Variants in CAMTA1 observed in about 807,000 individuals in gnomAD.
CAMTA1 encodes the protein calmodulin binding transcription activator 1.
Under a neutral mutation model 170.9 loss-of-function variants are expected in CAMTA1, and 27 were observed. That is an observed-to-expected ratio of 0.16 (90% confidence interval 0.12 to 0.22). CAMTA1 has a LOEUF of 0.22. Ranked by LOEUF, CAMTA1 falls within the 10% of genes least tolerant of loss-of-function variation. The pLI is 1.00. For missense variants in CAMTA1, 1,619 were observed against 2,217.2 expected (o/e 0.73, Z 5.42); for synonymous variants, 833 against 891.5 (o/e 0.93, Z 1.17).
Position 7,633,786 on chromosome 1 carries a change from A to G in CAMTA1, c.511-6614A>G, listed in dbSNP as rs2095688752. The stretch of plus-strand genomic sequence containing the variant: ...CATTGTGGCCAGGAAAACAGGCCAA[A>G]CCCGAGTAGTAATTGAGCGGAAACT... On this transcript the variant is annotated intron_variant, in intron 6 of 22. Coordinates refer to ENST00000303635, the MANE Select transcript of CAMTA1 (RefSeq NM_015215.4). The surrounding 1 kb of genome is among the most constrained non-coding windows in gnomAD (Gnocchi z 4.1). 6.6e-6 allele frequency among the ~76,000 whole-genome samples: 1 copy of G among 152,254 alleles called. No homozygotes were observed. Among genetic ancestry groups the G allele is most frequent in the African/African-American group, 2.4e-5 (1 of 41,460 alleles).
chr1:7,552,616 G>A (rs1263713939), intron 6 of CAMTA1, among the ~76,000 whole-genome samples: 1 of 152,232 alleles, frequency 6.6e-6, no homozygotes, highest in Non-Finnish European at 1.5e-5. Flanking sequence ...TGTCCATCCC[G>A]GGTCACTGCC....
chr1:7,062,513 C>T (rs1028141991), intron 3 of CAMTA1, among the ~76,000 whole-genome samples: 7 of 152,038 alleles, frequency 4.6e-5, no homozygotes, highest in African/African-American at 1.2e-4. Flanking sequence ...TGGCTGGGCG[C>T]CGGGGAGAGG....
intron 3 of CAMTA1, among the ~76,000 whole-genome samples, chr1:7,060,184 A>G: frequency 6.6e-6 from 1 of 152,238 alleles, no homozygotes; most frequent in Non-Finnish European, 1.5e-5. Context: ...CACCACAAAC[A>G]GGACGTAAAC....
intron 5 of CAMTA1, among the ~76,000 whole-genome samples, chr1:7,422,664 G>A (rs888860462): frequency 6.6e-6 from 1 of 152,160 alleles, no homozygotes; most frequent in African/African-American, 2.4e-5. Context: ...TTAAGACCAA[G>A]GCCAAGCAGC....
intron 6 of CAMTA1, among the ~76,000 whole-genome samples, chr1:7,576,516 G>T (rs527857617): frequency 6.6e-6 from 1 of 152,320 alleles, no homozygotes; most frequent in South Asian, 2.1e-4. Context: ...GTGTGAGGAC[G>T]CAAGCAAGAA....
At chr1:6,794,702 G>T (rs1642007210) in intron 1 of CAMTA1, among the ~76,000 whole-genome samples, 1 of 151,982 alleles carries the variant, frequency 6.6e-6, no homozygotes, top group South Asian at 2.1e-4. Flanking sequence ...CTGAATAAAA[G>T]GATTTTAGTA....
rs921957098 is a variant in CAMTA1 at position 6,788,589 on chromosome 1, A to T, written c.45+3014A>T. Reference sequence around the variant, plus strand: ...TTGTGTATTTTTAGGGGGTGTTATTAGGGAACTTCGGAAAAACGAAGAGTC... The same window carrying T: ...TTGTGTATTTTTAGGGGGTGTTATTTGGGAACTTCGGAAAAACGAAGAGTC... On this transcript the variant is annotated intron_variant, in intron 1 of 22. Transcript: ENST00000303635. 3.3e-5 allele frequency among the ~76,000 whole-genome samples: 5 copies of T among 152,252 alleles called. No individual in the cohort carries two copies. The East Asian group carries it at 9.7e-4, about 29-fold the overall frequency.
In CAMTA1 at chr1:7,144,245, G is replaced by GTGTATGTGTGTGTT. The variant is rs1280762250; in HGVS notation, c.302+52877_302+52878insATGTGTGTGTTTGT. On this transcript the variant is annotated intron_variant, in intron 4 of 22. Transcript: ENST00000303635. This position sits in a 1 kb window ranked among gnomAD's most constrained non-coding sequence, Gnocchi z 4.0. ...CAGATGGCCTTTTCTAAGTGTGTGT[G>GTGTATGTGTGTGTT]TGTGTGTATGTGTGTGTTTGTGTGT... 1.3e-5 allele frequency among the ~76,000 whole-genome samples: 2 copies of GTGTATGTGTGTGTT among 152,050 alleles called. No individual in the cohort carries two copies. The highest frequency in any genetic ancestry group is 4.8e-5 in the African/African-American group (2 of 41,356).
chr1:7,204,239 C>T (rs1192968240), intron 4 of CAMTA1, among the ~76,000 whole-genome samples: 1 of 151,924 alleles, frequency 6.6e-6, no homozygotes, highest in Non-Finnish European at 1.5e-5. Context: ...CCTCTTTTTC[C>T]AGTCTTAAGG....
In CAMTA1 at chr1:7,692,505, G is replaced by A. The variant is rs79084109; in HGVS notation, c.2914+14772G>A. ...TGACCCAGTCCCACATTAGCCTGGT[G>A]AAGGAAAGAAAGAACGAAAGAAAGA... On this transcript the variant is annotated intron_variant, in intron 11 of 22. Transcript: ENST00000303635. 7.2e-5 allele frequency among the ~76,000 whole-genome samples: 11 copies of A among 152,228 alleles called. No individual in the cohort carries two copies. In the East Asian group the frequency reaches 2.1e-3, roughly 29 times the overall value.
At chr1:6,853,254 A>T (rs1300424583) in intron 3 of CAMTA1, 1 of 152,232 alleles carries the variant, frequency 6.6e-6, no homozygotes, top group African/African-American at 2.4e-5. Flanking sequence ...CATAGAATTT[A>T]AAAATATAGT....
chr1:6,911,205 G>T (rs1679610657), intron 3 of CAMTA1, among the ~76,000 whole-genome samples: 1 of 152,180 alleles, frequency 6.6e-6, no homozygotes, highest in Non-Finnish European at 1.5e-5. Flanking sequence ...GAGGACGTTA[G>T]CTCAGGACTG....
intron 5 of CAMTA1, among the ~76,000 whole-genome samples, chr1:7,458,906 C>T (rs997477460): frequency 2.8e-4 from 43 of 152,248 alleles, no homozygotes; most frequent in African/African-American, 8.4e-4. Flanking sequence ...AGCTCAAACT[C>T]GTTTTAAAGC....
At chr1:7,086,057 G>C (rs966690408) in intron 3 of CAMTA1, among the ~76,000 whole-genome samples, 4 of 152,164 alleles carry the variant, frequency 2.6e-5, no homozygotes, top group African/African-American at 9.7e-5. Flanking sequence ...GGGCCTGTCT[G>C]GGACCCTGCC....
At chr1:7,141,604 C>T (rs189957683) in intron 4 of CAMTA1, among the ~76,000 whole-genome samples, 13 of 152,292 alleles carry the variant, frequency 8.5e-5, no homozygotes, top group Admixed American at 3.9e-4. Flanking sequence ...AATGAGCAGT[C>T]GTCAGCATCA....
At chr1:7,121,979 C>T (rs542331512) in intron 4 of CAMTA1, among the ~76,000 whole-genome samples, 1 of 152,118 alleles carries the variant, frequency 6.6e-6, no homozygotes, top group East Asian at 1.9e-4. Flanking sequence ...GCTTGTCAGT[C>T]ACTCCCCCTG....
At chr1:7,381,968 G>A (rs1450664554) in intron 5 of CAMTA1, among the ~76,000 whole-genome samples, 1 of 152,208 alleles carries the variant, frequency 6.6e-6, no homozygotes, top group Non-Finnish European at 1.5e-5. Context: ...CTGGGCAACT[G>A]GTTGCTCATT....
intron 3 of CAMTA1, among the ~76,000 whole-genome samples, chr1:6,826,593 A>G (rs1647143491): frequency 6.6e-6 from 1 of 152,240 alleles, no homozygotes; most frequent in African/African-American, 2.4e-5. Flanking sequence ...TGAAACGTAG[A>G]TTTGATACCA....
chr1:7,415,459 TA>T (rs1232331271), intron 5 of CAMTA1, among the ~76,000 whole-genome samples: 1 of 152,038 alleles, frequency 6.6e-6, no homozygotes, highest in East Asian at 1.9e-4. Context: ...TGGGTGCATA[TA>T]TATTTAGGAT....
Sources: allele counts gnomAD v4.1 joint callset (sites outside exome capture counted in the v4.1 genomes callset), GRCh38; gene constraint gnomAD v4.1.1; non-coding constraint Gnocchi (gnomAD v3.1); transcripts MANE v1.5; gene names NCBI Gene and HGNC (gene_info 2026-07-23, HGNC 2026-07-21).